Variants in NAA11 observed in about 807,000 individuals in gnomAD.
The protein encoded by NAA11 is N-alpha-acetyltransferase 11.
Under a neutral mutation model 16.1 loss-of-function variants are expected in NAA11, and 15 were observed. That is an observed-to-expected ratio of 0.93 (90% CI 0.62 to 1.44). The LOEUF (loss-of-function observed/expected upper bound fraction) is 1.44, where lower values mean the gene tolerates loss of function less well. NAA11 is among the 40% of genes most tolerant of loss of function. The pLI is 0.00. For missense variants in NAA11, 298 were observed against 291.3 expected, an observed-to-expected ratio of 1.02 and a Z score of -0.17; for synonymous variants, 122 against 112.4, an observed-to-expected ratio of 1.09 and a Z score of -0.54.
At chr4:79,305,829 T>C (rs1483670171) in intron 1 of NAA11, among the ~76,000 whole-genome samples, 12 of 152,158 alleles carry the variant, frequency 7.9e-5, no homozygotes, top group Admixed American at 7.9e-4. Context: ...TCCTCAAAAA[T>C]CTAGTTTTCA....
intron 2 of NAA11, among the ~76,000 whole-genome samples, chr4:79,252,849 C>A (rs1722026518): frequency 6.6e-6 from 1 of 152,110 alleles, no homozygotes. Context: ...GATTCTCATG[C>A]AACAAGGAAC....
chr4:79,228,630 T>C (rs1578151384), intron 2 of NAA11, among the ~76,000 whole-genome samples: 1 of 152,156 alleles, frequency 6.6e-6, no homozygotes, highest in South Asian at 2.1e-4. Flanking sequence ...CCCATGTTTC[T>C]GTGTGCCTTA....
At chr4:79,316,209 A>G (rs1441291590), downstream of NAA11, among the ~76,000 whole-genome samples, 2 of 152,214 alleles carry the variant, frequency 1.3e-5, no homozygotes, top group Non-Finnish European at 2.9e-5. Flanking sequence ...TGCCCTAGAG[A>G]CAGATGTTAG....
At chr4:79,194,761 C>A in the NAA11 span, among the ~76,000 whole-genome samples, 3 of 152,106 alleles carry the variant, frequency 2.0e-5, no homozygotes, top group Admixed American at 6.6e-5. Context: ...TGCCTGGTTT[C>A]TAAGCATAGG....
At chr4:79,238,968 T>C (rs999028830) in intron 2 of NAA11, among the ~76,000 whole-genome samples, 3 of 152,214 alleles carry the variant, frequency 2.0e-5, no homozygotes, top group Non-Finnish European at 4.4e-5. Context: ...AGTATGGTAT[T>C]GTTGAGTTGG....
At chr4:79,196,170 G>A in the NAA11 span, among the ~76,000 whole-genome samples, 5 of 152,036 alleles carry the variant, frequency 3.3e-5, no homozygotes, top group East Asian at 9.7e-4. Flanking sequence ...CATGGCTTGT[G>A]CCCCTATAAG....
chr4:79,209,156 T>G, the NAA11 span, among the ~76,000 whole-genome samples: 2 of 152,240 alleles, frequency 1.3e-5, no homozygotes, highest in East Asian at 1.9e-4. Flanking sequence ...CATCTTTTCC[T>G]GAAATACATT....
chr4:79,314,739 T>C (rs928030404), downstream of NAA11, among the ~76,000 whole-genome samples: 2 of 149,806 alleles, frequency 1.3e-5, no homozygotes, highest in South Asian at 2.2e-4. Flanking sequence ...AGCTAATTCA[T>C]CAACCAATGA....
At chr4:79,179,676 ATT>A in the NAA11 span, among the ~76,000 whole-genome samples, 1 of 152,174 alleles carries the variant, frequency 6.6e-6, no homozygotes, top group Non-Finnish European at 1.5e-5. Flanking sequence ...ATAAGGAAAT[ATT>A]TCTTTGGTTC....
chr4:79,208,937 A>G, the NAA11 span, among the ~76,000 whole-genome samples: 19 of 148,758 alleles, frequency 1.3e-4, no homozygotes, highest in African/African-American at 3.9e-4. Context: ...AAAAAAAAAA[A>G]AAAAAAAAAA....
intron 1 of NAA11, among the ~76,000 whole-genome samples, chr4:79,309,714 C>CTTTTTTTTTT (rs71662804): frequency 4.9e-5 from 4 of 81,424 alleles, no homozygotes; most frequent in East Asian, 3.8e-4. Flanking sequence ...TTTTTTTTTT[C>CTTTTTTTTTT]TTTTTTTTTT....
At chr4:79,319,060 A>G (rs1040733658) in intron 1 of NAA11, among the ~76,000 whole-genome samples, 3 of 152,116 alleles carry the variant, frequency 2.0e-5, no homozygotes, top group Non-Finnish European at 4.4e-5. Flanking sequence ...TAGGACTACA[A>G]GCACGCACCA....
At chr4:79,229,063 T>G (rs1354858949) in intron 2 of NAA11, among the ~76,000 whole-genome samples, 1 of 152,014 alleles carries the variant, frequency 6.6e-6, no homozygotes, top group Middle Eastern at 3.2e-3. Context: ...CAGAAGTTTT[T>G]TTTACAAAGT....
At chr4:79,205,602 G>A in the NAA11 span, among the ~76,000 whole-genome samples, 2 of 151,972 alleles carry the variant, frequency 1.3e-5, no homozygotes, top group Non-Finnish European at 2.9e-5. Context: ...CTGTGCAGAA[G>A]CTTTTTAGTT....
the NAA11 span, among the ~76,000 whole-genome samples, chr4:79,210,440 CTT>C: frequency 6.6e-6 from 1 of 152,100 alleles, no homozygotes; most frequent in African/African-American, 2.4e-5. Context: ...TTGTCCCAGA[CTT>C]TCTGGCTCCA....
At chr4:79,186,351 G>A in the NAA11 span, among the ~76,000 whole-genome samples, 525 of 152,210 alleles carry the variant, frequency 3.4e-3, 7 homozygotes, top group African/African-American at 0.012. Context: ...TCAGGAATTC[G>A]AAGCTGTTGG....
At chr4:79,290,457 G>C (rs1560452242) in intron 2 of NAA11, among the ~76,000 whole-genome samples, 1 of 151,920 alleles carries the variant, frequency 6.6e-6, no homozygotes, top group African/African-American at 2.4e-5. Context: ...CTCTCCCTCT[G>C]CTCTCTCTCT....
chr4:79,206,087 G>T, the NAA11 span, among the ~76,000 whole-genome samples: 1 of 151,866 alleles, frequency 6.6e-6, no homozygotes, highest in Non-Finnish European at 1.5e-5. Flanking sequence ...TTCTTTGGCT[G>T]TTCAGGTTCT....
chr4:79,280,434 T>G (rs1279516852), intron 2 of NAA11, among the ~76,000 whole-genome samples: 1 of 152,156 alleles, frequency 6.6e-6, no homozygotes, highest in Non-Finnish European at 1.5e-5. Flanking sequence ...ATACTCACTT[T>G]TTCTGGTATT....
Sources: allele counts gnomAD v4.1 joint callset (sites outside exome capture counted in the v4.1 genomes callset), GRCh38; gene constraint gnomAD v4.1.1; transcripts MANE v1.5; gene names NCBI Gene and HGNC (gene_info 2026-07-23, HGNC 2026-07-21).